FGD3: variants seen among roughly 807,000 people sequenced by gnomAD.
FGD3 encodes FYVE, RhoGEF and PH domain-containing protein 3.
FGD3 carries 45 observed loss-of-function variants against 71.8 expected under a neutral mutation model. The ratio of observed to expected loss-of-function variants is 0.63; its 90% confidence interval spans 0.49 to 0.80. The LOEUF (loss-of-function observed/expected upper bound fraction) is 0.80, where lower values mean the gene tolerates loss of function less well. Among genes scored for constraint, FGD3 ranks in the 30% least tolerant of loss-of-function variants. The probability of loss-of-function intolerance (pLI) is 0.00; values close to 1 mark genes in which losing one functional copy is unlikely to be tolerated. For missense variants in FGD3, 844 were observed against 951.5 expected (o/e 0.89, Z 1.49); for synonymous variants, 378 against 392.8 (o/e 0.96, Z 0.44).
In FGD3 at chr9:93,035,846, CA is replaced by C; in HGVS notation, c.*260del. On this transcript the variant is annotated 3_prime_UTR_variant, in exon 18 of 18. Transcript: ENST00000375482. Reference sequence around the variant, plus strand: ...GTGGCCCAGAGCAGGGGCCGACTGCCAAAGTAACCATCATCCATATGGGCCG... The same window carrying C: ...GTGGCCCAGAGCAGGGGCCGACTGCCAAGTAACCATCATCCATATGGGCCG... 1 of 487,366 alleles carries C rather than the reference CA, an allele frequency of 2.1e-6. No individual in the cohort carries two copies. The allele number at this position is 487,366 out of a possible 1,614,324, so 30.2% of individuals were successfully genotyped here.
intron 13 of FGD3, among the ~76,000 whole-genome samples, chr9:93,022,080 G>A (rs564967181): frequency 6.6e-6 from 1 of 152,296 alleles, no homozygotes; most frequent in South Asian, 2.1e-4. Context: ...GCCAGAGGGA[G>A]GCATCACCCA....
intron 14 of FGD3, among the ~76,000 whole-genome samples, chr9:93,027,715 CTTTTTTTTTTT>C (rs1199094054): frequency 9.8e-6 from 1 of 102,002 alleles, no homozygotes; most frequent in South Asian, 3.5e-4. Context: ...TTCTTTCTTT[CTTTTTTTTTTT>C]TTTTTTTTTT....
In FGD3 at chr9:93,003,023, C is replaced by T; in HGVS notation, c.543+9C>T. On this transcript the variant is annotated intron_variant, in intron 4 of 17. Transcript: ENST00000375482. This position sits in a 1 kb window ranked among gnomAD's most constrained non-coding sequence, Gnocchi z 4.1. The stretch of plus-strand genomic sequence containing the variant: ...TGCACCTGCTGGACCAGGTAGCCCA[C>T]ATGGCTTGGGGGCAGTTTCAGTATC... The T allele has an allele frequency of 6.2e-7, 1 of 1,613,924 alleles. No individual in the cohort carries two copies. Among genetic ancestry groups the T allele is most frequent in the East Asian group, 2.2e-5 (1 of 44,868 alleles).
chr9:93,013,933 A>C lies in FGD3; in HGVS notation c.1117A>C (p.Lys373Gln). 6.2e-7 allele frequency: 1 copy of C among 1,612,308 alleles called. No individual in the cohort carries two copies. Among genetic ancestry groups the C allele is most frequent in the Non-Finnish European group, 8.5e-7 (1 of 1,179,346 alleles). Residue 373 changes from lysine (K) to glutamine (Q), a missense_variant, in exon 9 of 18, where the codon AAG becomes CAG. By Grantham distance (53) the Lys-to-Gln change is moderately conservative. Coordinates refer to ENST00000375482, the MANE Select transcript of FGD3 (RefSeq NM_001083536.2). ...TGTCAACCCGGCCAATGAACTGATC[A>C]AGGAGGGCCAAATCCAGAAACTGTC... is the stretch of plus-strand genomic sequence containing the variant. Reference protein sequence around the residue: ...DIVNPANELIKEGQIQKLSAK... With the variant: ...DIVNPANELIQEGQIQKLSAK...
intron 1 of FGD3, among the ~76,000 whole-genome samples, chr9:92,965,580 A>AG (rs1859292718): frequency 6.6e-6 from 1 of 152,244 alleles, no homozygotes; most frequent in Admixed American, 6.5e-5. Flanking sequence ...AGCACCATGC[A>AG]GTGTGCAAGA....
At chr9:93,014,888 C>T (rs1861603926) in intron 9 of FGD3, among the ~76,000 whole-genome samples, 1 of 152,114 alleles carries the variant, frequency 6.6e-6, no homozygotes, top group South Asian at 2.1e-4. Context: ...GTGATCCACC[C>T]ACCCAAAGTG....
At chr9:92,965,830 G>A (rs1420143429) in intron 1 of FGD3, among the ~76,000 whole-genome samples, 3 of 152,154 alleles carry the variant, frequency 2.0e-5, no homozygotes, top group African/African-American at 7.2e-5. Flanking sequence ...CACCTGCCCC[G>A]ATAGGTCTAT....
intron 3 of FGD3, among the ~76,000 whole-genome samples, chr9:92,995,156 G>A (rs1860583325): frequency 6.6e-6 from 1 of 152,158 alleles, no homozygotes; most frequent in Non-Finnish European, 1.5e-5. Context: ...TCGTTGAGCA[G>A]TGGTTTGTAG....
In FGD3 at chr9:93,034,559, C is replaced by T. The variant is rs1331324181; in HGVS notation, c.1804C>T (p.Pro602Ser). 2 of 1,612,330 alleles carry T rather than the reference C, an allele frequency of 1.2e-6. No individual in the cohort carries two copies. The highest frequency in any genetic ancestry group is 1.7e-6 in the Non-Finnish European group (2 of 1,179,234). The change falls in exon 17 of 18, where the codon CCC becomes TCC. Residue 602 changes from proline (P) to serine (S), a missense_variant. Physicochemically the swap from Pro to Ser is moderately conservative, Grantham distance 74. Coordinates refer to ENST00000375482, the MANE Select transcript of FGD3 (RefSeq NM_001083536.2). ...ESTEKTPTAD[P>S]QPSLLCGPLR... ...TCCCCAGAAGACACCCACTGCAGACCCCCAGCCCAGCCTGCTCTGCGGCCC... is the reference window on the plus strand; with the variant it reads ...TCCCCAGAAGACACCCACTGCAGACTCCCAGCCCAGCCTGCTCTGCGGCCC...
intron 14 of FGD3, among the ~76,000 whole-genome samples, chr9:93,022,781 C>A (rs1019409957): frequency 1.4e-4 from 22 of 152,116 alleles, no homozygotes; most frequent in African/African-American, 5.1e-4. Context: ...ATTAACAGTG[C>A]AAGGTCCTTA....
At chr9:92,948,216 G>A (rs1448485520) in intron 1 of FGD3, among the ~76,000 whole-genome samples, 1 of 151,548 alleles carries the variant, frequency 6.6e-6, no homozygotes, top group East Asian at 1.9e-4. Context: ...ACCCCATGTC[G>A]GATGCTGAGA....
rs1270351947 is a variant in FGD3 at position 92,969,681 on chromosome 9, G to T, written c.-217-5557G>T. ...TTCTTTCAGATGGGGGGGGACTCCC[G>T]CACGGCCTCCCGGGAAGGGACATCT... On this transcript the variant is annotated intron_variant, in intron 1 of 17. Coordinates refer to ENST00000375482, the MANE Select transcript of FGD3 (RefSeq NM_001083536.2). The surrounding 1 kb of genome is among the most constrained non-coding windows in gnomAD (Gnocchi z 4.5). Among the ~76,000 whole-genome samples, 2 of 152,098 alleles carry T rather than the reference G, an allele frequency of 1.3e-5. No individual in the cohort carries two copies. Among genetic ancestry groups the T allele is most frequent in the African/African-American group, 2.4e-5 (1 of 41,398 alleles).
intron 1 of FGD3, among the ~76,000 whole-genome samples, chr9:92,966,823 C>CCTT: frequency 6.6e-6 from 1 of 152,362 alleles, no homozygotes; most frequent in East Asian, 1.9e-4. Context: ...AGGGCCTTGC[C>CCTT]CTTCGCACCT....
At chr9:93,018,108 G>A (rs1244488344) in intron 10 of FGD3, 28 bp from the exon 11 acceptor site, 2 of 1,609,014 alleles carry the variant, frequency 1.2e-6, no homozygotes, top group African/African-American at 2.7e-5. Flanking sequence ...GCTTGGGTTT[G>A]CTTTGTTCTT....
Position 93,029,889 on chromosome 9 carries a change from C to G in FGD3, c.1573C>G (p.Leu525Val). The change falls in exon 15 of 18, where the codon CTA becomes GTA. Residue 525 changes from leucine to valine, a missense_variant. Transcript: ENST00000375482. ...SGAAGLEPRKLSSKTRRDKEK... is the reference protein window; with the variant it reads ...SGAAGLEPRKVSSKTRRDKEK... Reference sequence around the variant, plus strand: ...CTCCTTATAGCTCGAGCCCAGAAAACTATCCTCTAAGACCAGACGTGACAA... The same window carrying G: ...CTCCTTATAGCTCGAGCCCAGAAAAGTATCCTCTAAGACCAGACGTGACAA... The G allele has an allele frequency of 6.2e-7, 1 of 1,613,208 alleles. No individual in the cohort carries two copies. Among genetic ancestry groups the G allele is most frequent in the Non-Finnish European group, 8.5e-7 (1 of 1,179,472 alleles).
chr9:93,012,705 A>C (rs62571840), intron 8 of FGD3, among the ~76,000 whole-genome samples: 1 of 53,274 alleles, frequency 1.9e-5, no homozygotes, highest in Non-Finnish European at 3.2e-5. Flanking sequence ...GGGGGGGGGA[A>C]GAATCAATCT....
intron 1 of FGD3, among the ~76,000 whole-genome samples, chr9:92,957,867 G>A (rs1859091544): frequency 6.6e-6 from 1 of 151,146 alleles, no homozygotes. Flanking sequence ...TTTTTGTAGA[G>A]ATGAAGTTTC....
chr9:93,019,752 C>A, intron 11 of FGD3, 79 bp from the exon 12 acceptor site: 1 of 1,369,402 alleles, frequency 7.3e-7, no homozygotes, highest in Non-Finnish European at 1.0e-6. Flanking sequence ...CTCGGGTGTG[C>A]TGCAGGGTTG....
intron 3 of FGD3, among the ~76,000 whole-genome samples, chr9:92,982,336 T>C (rs758831548): frequency 6.6e-6 from 1 of 152,222 alleles, no homozygotes; most frequent in Non-Finnish European, 1.5e-5. Context: ...TATGACTCAG[T>C]AGTATGACAT....
Sources: gnomAD v4.1 joint callset for allele counts (sites outside exome capture counted in the v4.1 genomes callset) on GRCh38, gnomAD v4.1.1 for gene constraint, Gnocchi (gnomAD v3.1) non-coding constraint, MANE v1.5 for transcripts, NCBI Gene and HGNC (gene_info 2026-07-23, HGNC 2026-07-21) for gene names.